The following SPATA21 variants were observed in gnomAD, a reference collection of about 807,000 sequenced individuals.
SPATA21 encodes spermatogenesis-associated protein 21.
SPATA21 carries 47 observed loss-of-function variants against 54.8 expected under a neutral mutation model. The observed-to-expected ratio is 0.86, with a 90% CI of 0.68 to 1.09. The LOEUF (loss-of-function observed/expected upper bound fraction) is 1.09, where lower values mean the gene tolerates loss of function less well. Among genes scored for constraint, SPATA21 ranks in the 50% least tolerant of loss-of-function variants. SPATA21 has a pLI of 0.00. For missense variants in SPATA21, 599 were observed against 596.4 expected (o/e 1.00, Z -0.05); for synonymous variants, 245 against 235.3 (o/e 1.04, Z -0.38).
chr1:16,430,608 A>T (rs2086435448), intron 3 of SPATA21, among the ~76,000 whole-genome samples: 1 of 152,152 alleles, frequency 6.6e-6, no homozygotes, highest in Non-Finnish European at 1.5e-5. Context: ...GAGGCCATGC[A>T]AGGCACCTAG....
rs565652244 is a variant in SPATA21 at position 16,436,401 on chromosome 1, A to G, written c.-187+727T>C. Among the ~76,000 whole-genome samples the G allele has an allele frequency of 6.6e-5, 10 of 151,726 alleles. No individual in the cohort carries two copies. In the South Asian group the frequency reaches 2.1e-3, roughly 32 times the overall value. On this transcript the variant is annotated intron_variant, in intron 1 of 12. Coordinates refer to ENST00000335496, the MANE Select transcript of SPATA21 (RefSeq NM_198546.1). ...GACTCTGTCTCAAAAAAAAAAAAAAAAAATACAGATAGGGTGCAGTGTATA... is the reference window on the plus strand; with the variant it reads ...GACTCTGTCTCAAAAAAAAAAAAAAGAAATACAGATAGGGTGCAGTGTATA...
downstream of SPATA21, chr1:16,398,168 C>T: frequency 3.8e-6 from 1 of 264,122 alleles, no homozygotes; most frequent in Non-Finnish European, 5.9e-6. Flanking sequence ...CATTTCAGTC[C>T]CTGCCCTCTA....
rs770722863 is a variant in SPATA21 at position 16,400,741 on chromosome 1, G to A, written c.1153C>T (p.Arg385Trp). The change falls in exon 11 of 13, where the codon CGG (arginine) becomes TGG (tryptophan). Residue 385 changes from arginine to tryptophan, a missense_variant. Coordinates refer to ENST00000335496, the MANE Select transcript of SPATA21 (RefSeq NM_198546.1). ...TCACCATAGTTCTGCTGCTTCAGCC[G>A]GCTCAGGATACTGAGGACCTTTCGT... ...PERKVLSILS[R>W]LKQQNYAPNL... 18 of 1,605,890 alleles carry A rather than the reference G, an allele frequency of 1.1e-5. No individual in the cohort carries two copies. In the East Asian group the frequency reaches 2.5e-4, roughly 22 times the overall value.
intron 3 of SPATA21, 110 bp downstream of exon 3, chr1:16,431,228 G>C: frequency 6.2e-7 from 1 of 1,601,138 alleles, no homozygotes; most frequent in South Asian, 1.1e-5. Context: ...CAGAACATGG[G>C]GTGCAGGTCC....
intron 5 of SPATA21, among the ~76,000 whole-genome samples, chr1:16,416,536 C>T (rs1181078147): frequency 6.6e-6 from 1 of 152,006 alleles, no homozygotes; most frequent in Non-Finnish European, 1.5e-5. Context: ...AAATTAGCCA[C>T]ACGTGGTGGT....
At chr1:16,427,390 C>T (rs542719578) in intron 3 of SPATA21, among the ~76,000 whole-genome samples, 1 of 152,200 alleles carries the variant, frequency 6.6e-6, no homozygotes, top group East Asian at 1.9e-4. Context: ...CAGCCTTTCA[C>T]TTTGCCTCTA....
chr1:16,425,671 A>T lies in SPATA21; in HGVS notation c.35-3700T>A, dbSNP rs544445371. 9.7e-6 allele frequency: 15 copies of T among 1,550,272 alleles called. No individual in the cohort carries two copies. The South Asian group carries it at 1.7e-4, about 17-fold the overall frequency. On this transcript the variant is annotated intron_variant, in intron 3 of 12. Coordinates refer to ENST00000335496, the MANE Select transcript of SPATA21 (RefSeq NM_198546.1). Reference sequence around the variant, plus strand: ...AAGGCAGCAACCCCAGCTCACTCTGATCCTGGCCTGCTTGCAGCTCCTGGG... The same window carrying T: ...AAGGCAGCAACCCCAGCTCACTCTGTTCCTGGCCTGCTTGCAGCTCCTGGG...
intron 2 of SPATA21, 108 bp from the exon 3 acceptor site, chr1:16,431,530 CG>C: frequency 9.4e-7 from 1 of 1,062,708 alleles, no homozygotes; most frequent in Non-Finnish European, 1.3e-6. Context: ...AGGGAAGAGG[CG>C]GGGCCAGGCC....
chr1:16,409,682 C>T lies in SPATA21; in HGVS notation c.506G>A (p.Gly169Asp). The change falls in exon 6 of 13, where the codon GGC becomes GAC. Residue 169 changes from glycine to aspartate, a missense_variant. By Grantham distance (94) the Gly-to-Asp change is moderately conservative. Transcript: ENST00000335496. The surrounding 1 kb of genome is among the most constrained non-coding windows in gnomAD (Gnocchi z 4.1). ...PTSMPCPVLL[G>D]PALDLGWRRM... is the part of the protein sequence containing the mutation. Reference sequence around the variant, plus strand: ...TCTCCAGCCCAGGTCCAGGGCAGGGCCCAGCAGGACAGGGCAAGGCATGGA... The same window carrying T: ...TCTCCAGCCCAGGTCCAGGGCAGGGTCCAGCAGGACAGGGCAAGGCATGGA... 11 of 1,613,394 alleles carry T rather than the reference C, an allele frequency of 6.8e-6. No homozygotes were observed. The highest frequency in any genetic ancestry group is 9.3e-6 in the Non-Finnish European group (11 of 1,179,980).
intron 7 of SPATA21, among the ~76,000 whole-genome samples, chr1:16,405,642 C>T (rs1429187338): frequency 1.3e-5 from 2 of 152,056 alleles, no homozygotes; most frequent in East Asian, 1.9e-4. Flanking sequence ...GCTGGATCAA[C>T]AGAGTAAGAC....
At position 16,409,814 on chromosome 1, in the gene SPATA21, G is replaced by C; in HGVS notation, c.374C>G (p.Pro125Arg). 1 of 1,598,084 alleles carries C rather than the reference G, an allele frequency of 6.3e-7. No individual in the cohort carries two copies. The highest frequency in any genetic ancestry group is 8.5e-7 in the Non-Finnish European group (1 of 1,172,852). ...RTLTPVPTSA[P>R]SLPQTPASVP... ...CGAGGCAGGGGTCTGAGGCAGGCTT[G>C]GAGCTGAGGTGGGCACCGGGGTCAG... Residue 125 changes from proline to arginine, a missense_variant, in exon 6 of 13, where the codon CCA becomes CGA. Physicochemically the swap from Pro to Arg is moderately radical, Grantham distance 103. Coordinates refer to ENST00000335496, the MANE Select transcript of SPATA21 (RefSeq NM_198546.1). The surrounding 1 kb of genome is among the most constrained non-coding windows in gnomAD (Gnocchi z 4.1).
At chr1:16,429,361 G>A (rs1406461946) in intron 3 of SPATA21, among the ~76,000 whole-genome samples, 1 of 151,478 alleles carries the variant, frequency 6.6e-6, no homozygotes, top group Non-Finnish European at 1.5e-5. Flanking sequence ...TTAACTCCTG[G>A]GATCAAGCAA....
At chr1:16,412,840 A>C (rs188552212) in intron 5 of SPATA21, among the ~76,000 whole-genome samples, 18 of 151,790 alleles carry the variant, frequency 1.2e-4, no homozygotes, top group Non-Finnish European at 5.9e-5. Flanking sequence ...GCCAGGCTGG[A>C]GTGTGGTGGC....
chr1:16,407,305 G>A (rs1405251209), intron 7 of SPATA21, among the ~76,000 whole-genome samples: 2 of 152,230 alleles, frequency 1.3e-5, no homozygotes, highest in East Asian at 1.9e-4. Context: ...CAGGGCAGTC[G>A]GCCCTTCAAT....
intron 10 of SPATA21, among the ~76,000 whole-genome samples, chr1:16,401,977 G>T (rs2085460842): frequency 6.6e-6 from 1 of 152,134 alleles, no homozygotes; most frequent in Non-Finnish European, 1.5e-5. Flanking sequence ...AGCCTCAGCC[G>T]CACCTCTTAC....
chr1:16,404,902 C>A, intron 8 of SPATA21, 65 bp downstream of exon 8: 1 of 1,484,918 alleles, frequency 6.7e-7, no homozygotes, highest in Non-Finnish European at 8.9e-7. Flanking sequence ...CATGCAACTG[C>A]ACAGGTTTCA....
chr1:16,432,673 T>C (rs1385782858), intron 2 of SPATA21, 117 bp downstream of exon 2: 2 of 152,440 alleles, frequency 1.3e-5, no homozygotes, highest in Non-Finnish European at 2.9e-5. Flanking sequence ...CTGAATTCCT[T>C]TGAGGCAACA....
chr1:16,408,411 C>T (rs2085716398), intron 7 of SPATA21: 1 of 962,220 alleles, frequency 1.0e-6, no homozygotes. Context: ...GGGCAGGGTT[C>T]CTGGGGCCCT....
intron 7 of SPATA21, among the ~76,000 whole-genome samples, chr1:16,407,322 A>G (rs976932125): frequency 6.6e-6 from 1 of 152,168 alleles, no homozygotes; most frequent in African/African-American, 2.4e-5. Flanking sequence ...CAATTACCAG[A>G]CAGGGATTGG....
Sources: allele counts gnomAD v4.1 joint callset (sites outside exome capture counted in the v4.1 genomes callset), GRCh38; gene constraint gnomAD v4.1.1; non-coding constraint Gnocchi (gnomAD v3.1); transcripts MANE v1.5; gene names NCBI Gene and HGNC (gene_info 2026-07-23, HGNC 2026-07-21).